Variants in THUMPD2 observed in about 807,000 individuals in gnomAD.
THUMPD2 encodes THUMP domain 2 tRNA and snRNA guanosine methyltransferase, also known as U6 snRNA (guanine-N(2))-methyltransferase THUMPD2.
THUMPD2 carries 56 observed loss-of-function variants against 49.4 expected under a neutral mutation model. The ratio of observed to expected loss-of-function variants is 1.13; its 90% CI spans 0.91 to 1.41. The LOEUF (loss-of-function observed/expected upper bound fraction) is 1.41. THUMPD2 is among the 40% of genes most tolerant of loss of function. THUMPD2 has a pLI of 0.00. For missense variants in THUMPD2, 709 were observed against 594.5 expected (o/e 1.19, Z -2.00); for synonymous variants, 237 against 205.2 (o/e 1.15, Z -1.32).
intron 1 of THUMPD2, 95 bp downstream of exon 1, chr2:39,779,019 C>T (rs1373317131): frequency 2.2e-6 from 3 of 1,336,020 alleles, no homozygotes; most frequent in African/African-American, 1.5e-5. Flanking sequence ...CAGAGAGGGG[C>T]GCCAGCGACG....
At chr2:39,752,758 A>G (rs1301359641) in intron 8 of THUMPD2, among the ~76,000 whole-genome samples, 2 of 152,260 alleles carry the variant, frequency 1.3e-5, no homozygotes, top group Admixed American at 1.3e-4. Flanking sequence ...CTCAGTAGTA[A>G]TGAAAGGTAA....
Position 39,767,603 on chromosome 2 carries a change from C to CAAAA in THUMPD2, c.750+817_750+820dup, listed in dbSNP as rs57906396. 7.1e-4 allele frequency among the ~76,000 whole-genome samples: 48 copies of CAAAA among 67,832 alleles called. 3 individuals are homozygous for CAAAA. The highest frequency in any genetic ancestry group is 3.4e-3 in the African/African-American group (44 of 12,972). The allele number at this position is 67,832 out of a possible 152,430, so 44.5% of individuals were successfully genotyped here. On this transcript the variant is annotated intron_variant, in intron 4 of 9. Transcript: ENST00000505747. ...TGGGCGACAGAGCGAGACTCCGTCT[C>CAAAA]AAAAAAAAAAAAAAAAAAAGAATTG...
At chr2:39,761,492 A>C (rs1253044754) in intron 5 of THUMPD2, 74 bp from the exon 6 acceptor site, 1 of 1,315,922 alleles carries the variant, frequency 7.6e-7, no homozygotes, top group Admixed American at 1.7e-5. Context: ...TACCTGTCCA[A>C]ATCTGAGAAT....
chr2:39,761,221 G>C (rs1347395379), intron 6 of THUMPD2, 110 bp downstream of exon 6: 13 of 920,346 alleles, frequency 1.4e-5, no homozygotes, highest in Non-Finnish European at 2.0e-5. Context: ...TAAAGAAAAA[G>C]CGTCAAGAAA....
chr2:39,772,455 T>C (rs1462181530), intron 1 of THUMPD2, among the ~76,000 whole-genome samples: 1 of 151,994 alleles, frequency 6.6e-6, no homozygotes, highest in Admixed American at 6.6e-5. Context: ...GAGGGAGAAG[T>C]AGGTTACTAA....
At chr2:39,768,372 G>C in intron 4 of THUMPD2, 52 bp downstream of exon 4, 1 of 1,424,114 alleles carries the variant, frequency 7.0e-7, no homozygotes. Context: ...ACAGGACACT[G>C]TCTTTAAAGA....
At chr2:39,760,275 TG>T (rs1310110744) in intron 6 of THUMPD2, among the ~76,000 whole-genome samples, 1 of 152,004 alleles carries the variant, frequency 6.6e-6, no homozygotes, top group African/African-American at 2.4e-5. Flanking sequence ...AGGGGGAAGT[TG>T]GGGAAAATTG....
rs530512618 is a variant in THUMPD2 at position 39,768,298 on chromosome 2, T to G, written c.750+126A>C. 3.3e-5 allele frequency: 25 copies of G among 758,848 alleles called. No homozygotes were observed. In the African/African-American group the frequency reaches 4.3e-4, roughly 13 times the overall value. 47.0% of individuals were successfully genotyped at this position (758,848 alleles called of 1,614,324 possible). On this transcript the variant is annotated intron_variant, in intron 4 of 9. Coordinates refer to ENST00000505747, the MANE Select transcript of THUMPD2 (RefSeq NM_025264.5). ...TTCTACTGCTAAAGATAAAATGGAC[T>G]GTTGGATCCCTGTAGATACACTTTT... is the stretch of plus-strand genomic sequence containing the variant.
chr2:39,746,424 T>C (rs1572760329), intron 8 of THUMPD2, among the ~76,000 whole-genome samples: 1 of 152,158 alleles, frequency 6.6e-6, no homozygotes, highest in East Asian at 1.9e-4. Context: ...CCCATCTCCG[T>C]AGGTTTAGAT....
intron 1 of THUMPD2, 138 bp downstream of exon 1, chr2:39,778,976 T>C: frequency 8.6e-7 from 1 of 1,169,208 alleles, no homozygotes; most frequent in Non-Finnish European, 1.1e-6. Context: ...CGCCTGCCAG[T>C]CAACCTCGGG....
intron 3 of THUMPD2, chr2:39,768,945 C>T (rs1231122010): frequency 1.5e-6 from 2 of 1,304,150 alleles, no homozygotes; most frequent in Non-Finnish European, 2.0e-6. Context: ...GTATTCAGAC[C>T]AATGGCCTTT....
intron 8 of THUMPD2, among the ~76,000 whole-genome samples, chr2:39,753,124 C>G (rs991725530): frequency 4.1e-4 from 62 of 152,138 alleles, no homozygotes; most frequent in African/African-American, 1.4e-3. Context: ...CTGCTTGATC[C>G]CCAATATCCT....
At chr2:39,770,770 T>C (rs1467336666) in intron 2 of THUMPD2, among the ~76,000 whole-genome samples, 1 of 152,138 alleles carries the variant, frequency 6.6e-6, no homozygotes, top group Non-Finnish European at 1.5e-5. Context: ...CACAGTATAA[T>C]ACTTTGGGAT....
intron 3 of THUMPD2, 47 bp from the exon 4 acceptor site, chr2:39,768,548 T>A (rs1254404669): frequency 6.6e-7 from 1 of 1,520,538 alleles, no homozygotes; most frequent in Non-Finnish European, 9.0e-7. Flanking sequence ...AATGAAAATT[T>A]TAAGTTTAAA....
At chr2:39,767,223 T>A (rs1411553489) in intron 4 of THUMPD2, among the ~76,000 whole-genome samples, 1 of 152,170 alleles carries the variant, frequency 6.6e-6, no homozygotes, top group Non-Finnish European at 1.5e-5. Context: ...TATTTATTTA[T>A]GAGATAATCT....
intron 6 of THUMPD2, among the ~76,000 whole-genome samples, chr2:39,756,773 C>T (rs980628003): frequency 3.9e-5 from 6 of 152,156 alleles, no homozygotes; most frequent in African/African-American, 1.4e-4. Flanking sequence ...ATCTGTGGTG[C>T]GGAGGCAAGC....
Position 39,755,314 on chromosome 2 carries a change from T to G in THUMPD2, c.1059A>C (p.Leu353Phe). 1 of 1,545,560 alleles carries G rather than the reference T, an allele frequency of 6.5e-7. No homozygotes were observed. The highest frequency in any genetic ancestry group is 8.6e-7 in the Non-Finnish European group (1 of 1,158,040). Residue 353 changes from leucine (L) to phenylalanine (F), a missense_variant, in exon 8 of 10, where the codon TTA becomes TTC. Leu to Phe is a conservative substitution (Grantham distance 22, BLOSUM62 0). Transcript: ENST00000505747. The stretch of plus-strand genomic sequence containing the variant: ...TCTTACCTATAACAGAGATTTTAAG[T>G]AATTCAATTTTATCCTCAAGGCCTG... Reference protein sequence around the residue: ...KAAGLEDKIELLKISVIELPL... With the variant: ...KAAGLEDKIEFLKISVIELPL...
chr2:39,769,175 C>T, intron 3 of THUMPD2: 1 of 1,059,722 alleles, frequency 9.4e-7, no homozygotes, highest in South Asian at 1.6e-5. Flanking sequence ...ATCAGGATTT[C>T]CAAATACAAA....
At chr2:39,746,398 A>AATTAC (rs1261565111) in intron 8 of THUMPD2, among the ~76,000 whole-genome samples, 1 of 152,192 alleles carries the variant, frequency 6.6e-6, no homozygotes, top group Non-Finnish European at 1.5e-5. Context: ...AGGTCTTTGT[A>AATTAC]AAACAGATTG....
Sources: gnomAD v4.1 joint callset for allele counts (sites outside exome capture counted in the v4.1 genomes callset) on GRCh38, gnomAD v4.1.1 for gene constraint, MANE v1.5 for transcripts, NCBI Gene and HGNC (gene_info 2026-07-23, HGNC 2026-07-21) for gene names.